The following DCAF5 variants were observed in gnomAD, a reference collection of about 807,000 sequenced individuals.
DCAF5 encodes DDB1- and CUL4-associated factor 5.
A neutral mutation model predicts 80.7 loss-of-function variants in DCAF5; 9 were observed. The observed-to-expected ratio is 0.11, with a 90% CI of 0.07 to 0.19. The LOEUF is 0.19. Among genes scored for constraint, DCAF5 ranks in the 10% least tolerant of loss-of-function variants. DCAF5 has a pLI of 1.00. For missense variants in DCAF5, 842 were observed against 1,205.7 expected (o/e 0.70, Z 4.47); for synonymous variants, 433 against 461.9 (o/e 0.94, Z 0.80).
chr14:69,095,423 G>A (rs960924983), intron 5 of DCAF5, among the ~76,000 whole-genome samples: 3 of 152,156 alleles, frequency 2.0e-5, no homozygotes, highest in Non-Finnish European at 4.4e-5. Flanking sequence ...GAACAGGGTA[G>A]GAGGTGATCC....
At chr14:69,081,241 C>A (rs903180384) in intron 6 of DCAF5, among the ~76,000 whole-genome samples, 5 of 151,924 alleles carry the variant, frequency 3.3e-5, no homozygotes, top group Non-Finnish European at 7.4e-5. Context: ...CCCAAAACAC[C>A]CTGAGTTGAG....
intron 6 of DCAF5, chr14:69,084,958 T>C: frequency 7.1e-7 from 1 of 1,417,656 alleles, no homozygotes; most frequent in Non-Finnish European, 9.9e-7. Flanking sequence ...AGGCATGCCT[T>C]GCTCATTTTG....
At chr14:69,105,181 T>A (rs1208681540) in intron 5 of DCAF5, among the ~76,000 whole-genome samples, 1 of 152,144 alleles carries the variant, frequency 6.6e-6, no homozygotes, top group Non-Finnish European at 1.5e-5. Flanking sequence ...AAAAAAAATT[T>A]GTTCACGAAT....
At chr14:69,081,039 G>A (rs1041709287) in intron 6 of DCAF5, among the ~76,000 whole-genome samples, 2 of 150,068 alleles carry the variant, frequency 1.3e-5, no homozygotes, top group Non-Finnish European at 3.0e-5. Context: ...ACAAATGTAA[G>A]AGGAAAAAAT....
Position 69,118,215 on chromosome 14 carries a change from C to T in DCAF5, c.459G>A (p.Val153=), listed in dbSNP as rs1167264063. ...AGGAACTGGCAAAAATGTTGTCATT[C>T]ACTGGGCTCACAGACAAGCCATATA... ...DAVYGLSVSP[V]NDNIFASSSD... Residue 153 remains valine (V), a synonymous_variant, in exon 4 of 9, where the codon GTG becomes GTA. Coordinates refer to ENST00000341516, the MANE Select transcript of DCAF5 (RefSeq NM_003861.3). The surrounding 1 kb of genome is among the most constrained non-coding windows in gnomAD (Gnocchi z 4.0). 6.2e-7 allele frequency: 1 copy of T among 1,613,962 alleles called. No homozygotes were observed. The highest frequency in any genetic ancestry group is 1.7e-5 in the Admixed American group (1 of 59,992).
At chr14:69,098,423 T>C (rs1727037031) in intron 5 of DCAF5, among the ~76,000 whole-genome samples, 1 of 152,208 alleles carries the variant, frequency 6.6e-6, no homozygotes, top group Admixed American at 6.5e-5. Flanking sequence ...ACATACCATA[T>C]ATTTTTACAT....
chr14:69,053,825 T>C lies in DCAF5; in HGVS notation c.*32A>G. On this transcript the variant is annotated 3_prime_UTR_variant, in exon 9 of 9. Transcript: ENST00000341516. ...AATTTTTTTTTTTTTGTAAGGCTAC[T>C]TTTGTAGCTTTTTGTTTTCCCTTTG... The C allele has an allele frequency of 6.4e-7, 1 of 1,553,894 alleles. No individual in the cohort carries two copies. Among genetic ancestry groups the C allele is most frequent in the Non-Finnish European group, 8.6e-7 (1 of 1,159,316 alleles).
At chr14:69,138,157 T>G (rs1439616921) in intron 1 of DCAF5, among the ~76,000 whole-genome samples, 3 of 151,934 alleles carry the variant, frequency 2.0e-5, no homozygotes, top group African/African-American at 7.3e-5. Flanking sequence ...ATAGCAATCC[T>G]CAAAGGTTCC....
intron 1 of DCAF5, among the ~76,000 whole-genome samples, chr14:69,129,136 A>G (rs2040963056): frequency 6.6e-6 from 1 of 152,142 alleles, no homozygotes; most frequent in African/African-American, 2.4e-5. Context: ...CTATTTGTTA[A>G]ATGCCTTGGG....
chr14:69,085,017 C>T, intron 6 of DCAF5: 1 of 1,350,312 alleles, frequency 7.4e-7, no homozygotes, highest in Non-Finnish European at 1.1e-6. Context: ...ATCCAAGGTT[C>T]CATTAAGTGA....
intron 7 of DCAF5, among the ~76,000 whole-genome samples, chr14:69,070,918 C>A (rs1434375290): frequency 6.6e-6 from 1 of 152,100 alleles, no homozygotes; most frequent in Non-Finnish European, 1.5e-5. Context: ...CTGCCACAGC[C>A]TCCCGAGTAG....
chr14:69,093,237 A>C (rs1292294983), intron 5 of DCAF5, among the ~76,000 whole-genome samples: 2 of 152,184 alleles, frequency 1.3e-5, no homozygotes, highest in African/African-American at 4.8e-5. Context: ...CAGGAAAGTG[A>C]AGTATATATG....
rs969717750 is a variant in DCAF5 at position 69,070,219 on chromosome 14, A to G, written c.946+5126T>C. On this transcript the variant is annotated intron_variant, in intron 7 of 8. Coordinates refer to ENST00000341516, the MANE Select transcript of DCAF5 (RefSeq NM_003861.3). ...TGAAAACCCTAAAGCCCTTTCTAAC[A>G]AGAATTCAGGGAAAGAGAAGGGAAA... Among the ~76,000 whole-genome samples the G allele has an allele frequency of 2.6e-5, 4 of 152,230 alleles. No individual in the cohort carries two copies. In the South Asian group the frequency reaches 8.3e-4, roughly 31 times the overall value.
intron 6 of DCAF5, chr14:69,089,851 C>T: frequency 1.2e-6 from 1 of 833,328 alleles, no homozygotes; most frequent in Non-Finnish European, 1.4e-6. Context: ...TACTGCTAAC[C>T]ATCTTATAAT....
chr14:69,067,369 G>T (rs1248036838), intron 7 of DCAF5, among the ~76,000 whole-genome samples: 3 of 138,510 alleles, frequency 2.2e-5, no homozygotes, highest in Non-Finnish European at 4.6e-5. Flanking sequence ...TTTGAGACAG[G>T]GTCTCACTCT....
chr14:69,095,841 T>C (rs1389362755), intron 5 of DCAF5, among the ~76,000 whole-genome samples: 1 of 152,198 alleles, frequency 6.6e-6, no homozygotes, highest in Non-Finnish European at 1.5e-5. Context: ...ACCACTGGCA[T>C]GAATTTCCTC....
chr14:69,078,983 C>T (rs1490183920), intron 6 of DCAF5, among the ~76,000 whole-genome samples: 2 of 152,182 alleles, frequency 1.3e-5, no homozygotes, highest in Non-Finnish European at 2.9e-5. Context: ...ATGCCTCAGC[C>T]TCCCCAGCAG....
At chr14:69,129,128 A>G (rs1212008774) in intron 1 of DCAF5, among the ~76,000 whole-genome samples, 2 of 152,184 alleles carry the variant, frequency 1.3e-5, no homozygotes, top group African/African-American at 2.4e-5. Flanking sequence ...ATTCATGGCT[A>G]TTTGTTAAAT....
intron 1 of DCAF5, among the ~76,000 whole-genome samples, chr14:69,129,537 A>G (rs1459119308): frequency 6.6e-6 from 1 of 152,230 alleles, no homozygotes; most frequent in Non-Finnish European, 1.5e-5. Flanking sequence ...CAGACGCAAA[A>G]GCAGCTCTAC....
Sources: gnomAD v4.1 joint callset for allele counts (sites outside exome capture counted in the v4.1 genomes callset) on GRCh38, gnomAD v4.1.1 for gene constraint, Gnocchi (gnomAD v3.1) non-coding constraint, MANE v1.5 for transcripts, NCBI Gene and HGNC (gene_info 2026-07-23, HGNC 2026-07-21) for gene names.